ZNF345: variants seen among roughly 807,000 people sequenced by gnomAD.
ZNF345 encodes zinc finger protein HZF10.
For synonymous variants in ZNF345, 166 were observed against 187.9 expected (o/e 0.88, Z 0.95); for missense variants, 527 against 589.9 (o/e 0.89, Z 1.10).
intron 2 of ZNF345, among the ~76,000 whole-genome samples, chr19:36,860,118 C>G (rs908130167): frequency 2.0e-5 from 3 of 152,006 alleles, no homozygotes; most frequent in African/African-American, 7.2e-5. Context: ...CCACCACACC[C>G]GGCTAATTTT....
At chr19:36,857,745 C>T (rs1349126086) in intron 2 of ZNF345, among the ~76,000 whole-genome samples, 1 of 152,108 alleles carries the variant, frequency 6.6e-6, no homozygotes, top group Non-Finnish European at 1.5e-5. Context: ...GCACTTAGAA[C>T]AAATAATGAT....
chr19:36,884,392 A>C (rs2072985316), downstream of ZNF345, among the ~76,000 whole-genome samples: 1 of 152,126 alleles, frequency 6.6e-6, no homozygotes, highest in South Asian at 2.1e-4. Flanking sequence ...AAAGGATACA[A>C]ATTACAACTA....
chr19:36,886,542 G>A (rs1391689389), intron 3 of ZNF345, among the ~76,000 whole-genome samples: 2 of 152,150 alleles, frequency 1.3e-5, no homozygotes, highest in African/African-American at 4.8e-5. Flanking sequence ...AAATAGTTAA[G>A]GTCATTTAAA....
Position 36,878,211 on chromosome 19 carries a change from A to T in ZNF345, c.1381A>T (p.Lys461Ter), listed in dbSNP as rs780189088. 9.9e-6 allele frequency: 16 copies of T among 1,614,044 alleles called. No homozygotes were observed. The highest frequency in any genetic ancestry group is 1.4e-5 in the Non-Finnish European group (16 of 1,179,970). Residue 461 changes from lysine to a stop codon, truncating the protein, a stop_gained, in exon 3 of 3, where the codon AAG becomes TAG. Transcript: ENST00000420450. LOFTEE classifies it low-confidence loss of function (END_TRUNC). ...EKLYECKNCG[K>*]AYGRDSEFQQ... ...ACTTTATGAATGTAAGAACTGTGGGAAGGCTTATGGGAGGGATTCAGAGTT... is the reference window on the plus strand; with the variant it reads ...ACTTTATGAATGTAAGAACTGTGGGTAGGCTTATGGGAGGGATTCAGAGTT...
At position 36,879,531 on chromosome 19, in the gene ZNF345, C is replaced by T. The variant is rs947262522; in HGVS notation, c.*1234C>T. On this transcript the variant is annotated 3_prime_UTR_variant, in exon 3 of 3. Coordinates refer to ENST00000420450, the MANE Select transcript of ZNF345 (RefSeq NM_001242472.2). ...TAGTATTCACCTGTCTTTATCAAAC[C>T]CCAATTTTGTCAAATATTAAAAATT... is the stretch of plus-strand genomic sequence containing the variant. 2 of 166,876 alleles carry T rather than the reference C, an allele frequency of 1.2e-5. No homozygotes were observed. The highest frequency in any genetic ancestry group is 2.1e-4 in the South Asian group (1 of 4,824). 10.3% of individuals were successfully genotyped at this position (166,876 alleles called of 1,614,324 possible). A position where few individuals can be genotyped will look rare whatever the true frequency, so the allele number is the denominator to read the frequency against.
chr19:36,892,496 A>G (rs1276770837), intron 3 of ZNF345: 2 of 1,534,436 alleles, frequency 1.3e-6, no homozygotes, highest in South Asian at 1.3e-5. Context: ...AAAGGCAAAT[A>G]AATTTTCCTA....
intron 2 of ZNF345, among the ~76,000 whole-genome samples, chr19:36,868,150 G>A (rs2072699830): frequency 6.6e-6 from 1 of 151,794 alleles, no homozygotes; most frequent in Non-Finnish European, 1.5e-5. Context: ...TTACAGGTGC[G>A]TGCCACCACG....
intron 3 of ZNF345, among the ~76,000 whole-genome samples, chr19:36,887,743 A>G (rs554613576): frequency 1.3e-5 from 2 of 152,274 alleles, no homozygotes; most frequent in African/African-American, 2.4e-5. Context: ...CGAGACTCAG[A>G]ATCATTTTGG....
intron 2 of ZNF345, among the ~76,000 whole-genome samples, chr19:36,864,453 T>A (rs748181570): frequency 6.6e-6 from 1 of 152,024 alleles, no homozygotes; most frequent in Non-Finnish European, 1.5e-5. Context: ...AGTTTGAGGC[T>A]GCAGTGAGCT....
intron 3 of ZNF345, chr19:36,891,573 T>G (rs1568366282): frequency 1.9e-6 from 3 of 1,613,010 alleles, no homozygotes; most frequent in Admixed American, 3.3e-5. Flanking sequence ...AGTCATAGGG[T>G]TTCTCACCAG....
At position 36,892,924 on chromosome 19, in the gene ZNF345, G is replaced by A; in HGVS notation, c.153G>A (p.Trp51Ter). The A allele has an allele frequency of 2.1e-6, 2 of 936,806 alleles. No individual in the cohort carries two copies. Among genetic ancestry groups the A allele is most frequent in the Non-Finnish European group, 2.8e-6 (2 of 710,888 alleles). The allele number at this position is 936,806 out of a possible 1,614,324, so 58.0% of individuals were successfully genotyped here. A position where few individuals can be genotyped will look rare whatever the true frequency, so the allele number is the denominator to read the frequency against. ...GCATGCCCAGGCAGGGGTTAAGCTG[G>A]AGGGCCATGGAGGAGGACAGGCCAG... The change falls in exon 4 of 4, where the codon TGG becomes TGA. Residue 51 changes from tryptophan (W) to a stop codon, truncating the protein, a stop_gained. Coordinates refer to the ZNF345 transcript ENST00000526123. LOFTEE classifies it high-confidence loss of function.
chr19:36,877,084 C>T lies in ZNF345; in HGVS notation c.254C>T (p.Thr85Ile). ...CTTGTTCGACATCAGCGAATTCATA[C>T]TGGTGAGAAACCTTATGAATGCAAA... Reference protein sequence around the residue: ...SVLVRHQRIHTGEKPYECKEC... With the variant: ...SVLVRHQRIHIGEKPYECKEC... Residue 85 changes from threonine (T) to isoleucine (I), a missense_variant, in exon 3 of 3, where the codon ACT (threonine) becomes ATT (isoleucine). Transcript: ENST00000420450. The T allele has an allele frequency of 6.2e-7, 1 of 1,614,042 alleles. No individual in the cohort carries two copies. Among genetic ancestry groups the T allele is most frequent in the Non-Finnish European group, 8.5e-7 (1 of 1,179,976 alleles).
intron 3 of ZNF345, among the ~76,000 whole-genome samples, chr19:36,887,710 A>G (rs912464846): frequency 2.6e-5 from 4 of 152,174 alleles, no homozygotes; most frequent in Admixed American, 1.3e-4. Flanking sequence ...GTTTCCTGAC[A>G]TGCTAGGCTA....
rs996804176 is a variant in ZNF345, at chr19:36,877,264, C to T, written c.434C>T (p.Pro145Leu). 1 of 1,613,740 alleles carries T rather than the reference C, an allele frequency of 6.2e-7. No homozygotes were observed. The highest frequency in any genetic ancestry group is 1.3e-5 in the African/African-American group (1 of 74,792). Residue 145 changes from proline (P) to leucine (L), a missense_variant, in exon 3 of 3, where the codon CCC becomes CTC. Physicochemically the swap from Pro to Leu is moderately conservative, Grantham distance 98 (BLOSUM62 -3). Transcript: ENST00000420450. ...CAGAGAATTCATACTGGTGAGAAACCCTATGAGTGTAAGGAATGTGGGAAA... is the reference window on the plus strand; with the variant it reads ...CAGAGAATTCATACTGGTGAGAAACTCTATGAGTGTAAGGAATGTGGGAAA... ...HHQRIHTGEK[P>L]YECKECGKAF... is the part of the protein sequence containing the mutation.
intron 3 of ZNF345, chr19:36,889,240 T>A (rs186984525): frequency 6.6e-6 from 1 of 152,296 alleles, no homozygotes; most frequent in African/African-American, 2.4e-5. Context: ...TCATCAGGGA[T>A]ATTGGCTTGT....
At chr19:36,858,514 C>G (rs556754204) in intron 2 of ZNF345, among the ~76,000 whole-genome samples, 3 of 152,188 alleles carry the variant, frequency 2.0e-5, no homozygotes, top group Non-Finnish European at 2.9e-5. Flanking sequence ...GCCCGTAATC[C>G]CAGCACTTTA....
chr19:36,850,764 G>C (rs1359144238), upstream of ZNF345: 2 of 152,240 alleles, frequency 1.3e-5, no homozygotes, highest in African/African-American at 4.8e-5. Context: ...CTGGGCTGTA[G>C]CTTTCGGCAA....
chr19:36,880,125 G>A (rs962891303), downstream of ZNF345, among the ~76,000 whole-genome samples: 1 of 152,008 alleles, frequency 6.6e-6, no homozygotes, highest in Non-Finnish European at 1.5e-5. Flanking sequence ...GAGGCCAGGA[G>A]CCTAGCCAAC....
rs902272018 is a variant in ZNF345 at position 36,850,909 on chromosome 19, A to T, written c.-181A>T. On this transcript the variant is annotated 5_prime_UTR_variant, in exon 1 of 3. Transcript: ENST00000420450. ...GCAAGCGGCCTTGGGGCTTTGTGAG[A>T]TAGCTAGGGTCGACTTGTGTGGATT... The T allele has an allele frequency of 6.6e-6, 1 of 152,258 alleles. No homozygotes were observed. The highest frequency in any genetic ancestry group is 2.4e-5 in the African/African-American group (1 of 41,450). 9.4% of individuals were successfully genotyped at this position (152,258 alleles called of 1,614,324 possible).
Sources: allele counts gnomAD v4.1 joint callset (sites outside exome capture counted in the v4.1 genomes callset), GRCh38; gene constraint gnomAD v4.1.1; transcripts MANE v1.5; gene names NCBI Gene and HGNC (gene_info 2026-07-23, HGNC 2026-07-21).